ADAMTS14: variants seen among roughly 807,000 people sequenced by gnomAD.
The protein encoded by ADAMTS14 is ADAM metallopeptidase with thrombospondin type 1 motif 14, also known as A disintegrin and metalloproteinase with thrombospondin motifs 14.
ADAMTS14 carries 100 observed loss-of-function variants against 128.6 expected under a neutral mutation model. That is an observed-to-expected ratio of 0.78 (90% CI 0.66 to 0.92). The LOEUF (loss-of-function observed/expected upper bound fraction) is 0.92. ADAMTS14 is among the 40% of genes least tolerant of loss of function. ADAMTS14 has a pLI of 0.00. For synonymous variants in ADAMTS14, 665 were observed against 653.8 expected, an observed-to-expected ratio of 1.02 and a Z score of -0.26; for missense variants, 1,562 against 1,658.6, an observed-to-expected ratio of 0.94 and a Z score of 1.01.
Position 70,741,135 on chromosome 10 carries a change from A to G in ADAMTS14, c.1897A>G (p.Ser633Gly). Reference sequence around the variant, plus strand: ...CTATGTGCACCAGAATGCCAAGCACAGCTGGGTGCCCTACGAGCCTGACGA... The same window carrying G: ...CTATGTGCACCAGAATGCCAAGCACGGCTGGGTGCCCTACGAGCCTGACGA... ...SYYVHQNAKH[S>G]WVPYEPDDDA... Residue 633 changes from serine (S) to glycine (G), a missense_variant, in exon 12 of 22, where the codon AGC (serine) becomes GGC (glycine). Physicochemically the swap from Ser to Gly is moderately conservative, Grantham distance 56. Transcript: ENST00000373207. The G allele has an allele frequency of 6.2e-7, 1 of 1,613,620 alleles. No individual in the cohort carries two copies. Among genetic ancestry groups the G allele is most frequent in the Non-Finnish European group, 8.5e-7 (1 of 1,179,956 alleles).
chr10:70,748,529 AC>A (rs1842253345), intron 15 of ADAMTS14, among the ~76,000 whole-genome samples: 1 of 151,790 alleles, frequency 6.6e-6, no homozygotes. Flanking sequence ...CCTCTTCCCC[AC>A]CCTCACCCTG....
At chr10:70,759,022 A>G (rs912040648) in intron 21 of ADAMTS14, among the ~76,000 whole-genome samples, 1 of 151,852 alleles carries the variant, frequency 6.6e-6, no homozygotes, top group African/African-American at 2.4e-5. Context: ...TCCTAGTTAG[A>G]GGACCAGTTG....
intron 1 of ADAMTS14, among the ~76,000 whole-genome samples, chr10:70,673,122 C>T (rs1346943516): frequency 6.6e-6 from 1 of 152,206 alleles, no homozygotes; most frequent in African/African-American, 2.4e-5. Flanking sequence ...AGCATCGAGT[C>T]TCTTCTCGGG....
At chr10:70,753,080 C>T (rs1277193652) in intron 18 of ADAMTS14, among the ~76,000 whole-genome samples, 2 of 152,216 alleles carry the variant, frequency 1.3e-5, no homozygotes, top group Admixed American at 6.5e-5. Context: ...AGCCCCTACC[C>T]CTTTGGGGTT....
At chr10:70,699,656 T>C (rs1840437202) in intron 2 of ADAMTS14, among the ~76,000 whole-genome samples, 1 of 152,136 alleles carries the variant, frequency 6.6e-6, no homozygotes, top group African/African-American at 2.4e-5. Flanking sequence ...GGAAACTGTA[T>C]CCCTCATATG....
In ADAMTS14 at chr10:70,698,514, G is replaced by A. The variant is rs1018543457; in HGVS notation, c.523-3798G>A. Among the ~76,000 whole-genome samples, 7 of 152,144 alleles carry A rather than the reference G, an allele frequency of 4.6e-5. No individual in the cohort carries two copies. In the South Asian group the frequency reaches 6.2e-4, roughly 14 times the overall value. On this transcript the variant is annotated intron_variant, in intron 2 of 21. Coordinates refer to ENST00000373207, the MANE Select transcript of ADAMTS14 (RefSeq NM_080722.4). ...AGGAACTGGGCCCATCTTGCCTCCC[G>A]GTCTGGTGGCCAAGCCTGCCTTCCT...
In ADAMTS14 at chr10:70,760,843, C is replaced by T. The variant is rs117717135; in HGVS notation, c.3662C>T (p.Pro1221Leu). Residue 1221 changes from proline to leucine, a missense_variant, in exon 22 of 22, where the codon CCG (proline) becomes CTG (leucine). Physicochemically the swap from Pro to Leu is moderately conservative, Grantham distance 98 (BLOSUM62 -3). Transcript: ENST00000373207. ...HPGTSLPAAS[P>L]VT is the part of the protein sequence containing the mutation. Reference sequence around the variant, plus strand: ...GGCACCAGCCTCCCTGCTGCCTCCCCGGTGACATGAGCTGTGCCCTGCCAT... The same window carrying T: ...GGCACCAGCCTCCCTGCTGCCTCCCTGGTGACATGAGCTGTGCCCTGCCAT... 1.3e-3 allele frequency: 2,097 copies of T among 1,572,918 alleles called. 37 individuals are homozygous for T. The South Asian group carries it at 0.023, about 18-fold the overall frequency.
chr10:70,704,502 C>T (rs577959499), intron 3 of ADAMTS14, among the ~76,000 whole-genome samples: 4 of 151,590 alleles, frequency 2.6e-5, no homozygotes, highest in East Asian at 3.9e-4. Context: ...CACAAACACA[C>T]GCTCACAAAC....
chr10:70,719,411 C>CACAT (rs1399027568), intron 4 of ADAMTS14, among the ~76,000 whole-genome samples: 157 of 131,076 alleles, frequency 1.2e-3, no homozygotes, highest in African/African-American at 4.4e-3. Context: ...CACACACACA[C>CACAT]ACTTTTTAGA....
intron 2 of ADAMTS14, among the ~76,000 whole-genome samples, chr10:70,692,759 C>T (rs1281040605): frequency 6.6e-6 from 1 of 152,224 alleles, no homozygotes; most frequent in Non-Finnish European, 1.5e-5. Flanking sequence ...GTCTTTTTCA[C>T]CTTTAAAATC....
chr10:70,739,088 G>A (rs1841918099), intron 11 of ADAMTS14, 98 bp downstream of exon 11: 19 of 1,401,064 alleles, frequency 1.4e-5, no homozygotes, highest in Non-Finnish European at 1.8e-5. Context: ...CAGGAGAGAA[G>A]GGCCCCTGTG....
chr10:70,674,303 C>T (rs138219256), intron 1 of ADAMTS14, among the ~76,000 whole-genome samples: 1 of 152,308 alleles, frequency 6.6e-6, no homozygotes, highest in East Asian at 1.9e-4. Flanking sequence ...GTATCATTTG[C>T]TTTCTTCTGC....
intron 3 of ADAMTS14, among the ~76,000 whole-genome samples, chr10:70,706,264 G>A (rs1840664284): frequency 6.6e-6 from 1 of 152,224 alleles, no homozygotes; most frequent in Non-Finnish European, 1.5e-5. Flanking sequence ...ATGGCTGGGG[G>A]AGGCCTGAGT....
intron 2 of ADAMTS14, among the ~76,000 whole-genome samples, chr10:70,690,390 G>A (rs566647600): frequency 6.9e-6 from 1 of 144,648 alleles, no homozygotes; most frequent in Non-Finnish European, 1.6e-5. Context: ...CCTTTGCAGA[G>A]GAGACTGGCC....
Position 70,758,199 on chromosome 10 carries a change from G to C in ADAMTS14, c.3092G>C (p.Arg1031Thr), listed in dbSNP as rs752685263. The C allele has an allele frequency of 6.2e-7, 1 of 1,614,228 alleles. No homozygotes were observed. The highest frequency in any genetic ancestry group is 8.5e-7 in the Non-Finnish European group (1 of 1,180,032). Residue 1031 changes from arginine to threonine, a missense_variant, in exon 21 of 22, where the codon AGG (arginine) becomes ACG (threonine). Arg to Thr is a moderately conservative substitution (Grantham distance 71). Coordinates refer to ENST00000373207, the MANE Select transcript of ADAMTS14 (RefSeq NM_080722.4). ...CGGNHQNSTVRADVWELGTPE... is the reference protein window; with the variant it reads ...CGGNHQNSTVTADVWELGTPE... ...GGAAATCACCAGAACTCCACGGTGAGGGCCGATGTCTGGGAACTTGGGACG... is the reference window on the plus strand; with the variant it reads ...GGAAATCACCAGAACTCCACGGTGACGGCCGATGTCTGGGAACTTGGGACG...
intron 18 of ADAMTS14, 114 bp downstream of exon 18, chr10:70,752,341 A>G (rs1405888926): frequency 1.4e-6 from 2 of 1,414,840 alleles, no homozygotes; most frequent in Admixed American, 5.1e-5. Flanking sequence ...ACACGACCAT[A>G]CAGGCAACAC....
chr10:70,696,735 G>A (rs934590783), intron 2 of ADAMTS14, among the ~76,000 whole-genome samples: 3 of 152,164 alleles, frequency 2.0e-5, no homozygotes, highest in Non-Finnish European at 2.9e-5. Context: ...CTAGGGTTAG[G>A]TGAGCAGGGC....
chr10:70,695,775 C>A (rs1840317384), intron 2 of ADAMTS14, among the ~76,000 whole-genome samples: 2 of 152,172 alleles, frequency 1.3e-5, no homozygotes, highest in Non-Finnish European at 2.9e-5. Flanking sequence ...TGGATAATCA[C>A]AAAGGAATTT....
At position 70,752,207 on chromosome 10, in the gene ADAMTS14, GCA is replaced by G; in HGVS notation, c.2711_2712del (p.His904ProfsTer54). 1 of 1,613,752 alleles carries G rather than the reference GCA, an allele frequency of 6.2e-7. No individual in the cohort carries two copies. Among genetic ancestry groups the G allele is most frequent in the Non-Finnish European group, 8.5e-7 (1 of 1,179,944 alleles). On this transcript the variant is annotated frameshift_variant, in exon 18 of 22. Coordinates refer to ENST00000373207, the MANE Select transcript of ADAMTS14 (RefSeq NM_080722.4). ...PKPIRRRCNQ[H>X]PCSQPVWVTE... ...AGCCCATCCGCCGGCGCTGCAACCA[GCA>G]CCCGTGCTCTCAGCCTGTGTGAGTG...
Sources: allele counts gnomAD v4.1 joint callset (sites outside exome capture counted in the v4.1 genomes callset), GRCh38; gene constraint gnomAD v4.1.1; transcripts MANE v1.5; gene names NCBI Gene and HGNC (gene_info 2026-07-23, HGNC 2026-07-21).